The following PCDHGC4 variants were observed in gnomAD, a reference collection of about 807,000 sequenced individuals.
PCDHGC4 encodes the protein protocadherin gamma-C4.
Under a neutral mutation model 59.7 loss-of-function variants are expected in PCDHGC4, and 15 were observed. That is an observed-to-expected ratio of 0.25 (90% confidence interval 0.17 to 0.39). The LOEUF (loss-of-function observed/expected upper bound fraction) is 0.39. PCDHGC4 is among the 10% of genes least tolerant of loss of function. The probability of loss-of-function intolerance (pLI) is 1.00; values close to 1 mark genes in which losing one functional copy is unlikely to be tolerated. For synonymous variants in PCDHGC4, 434 were observed against 481.4 expected (o/e 0.90, Z 1.29); for missense variants, 1,016 against 1,189.5 (o/e 0.85, Z 2.15).
At position 141,497,121 on chromosome 5, in the gene PCDHGC4, G is replaced by T. The variant is rs185298630; in HGVS notation, c.2501+2256G>T. Among the ~76,000 whole-genome samples, 563 of 152,212 alleles carry T rather than the reference G, an allele frequency of 3.7e-3. 5 individuals are homozygous for T. The highest frequency in any genetic ancestry group is 0.011 in the Admixed American group (164 of 15,296). On this transcript the variant is annotated intron_variant, in intron 2 of 3. Coordinates refer to ENST00000306593, the MANE Select transcript of PCDHGC4 (RefSeq NM_018928.3). Reference sequence around the variant, plus strand: ...GAACTGCTTGAACCCGGAAGGCAGAGGTTGCAGTGAGCTGAGATCACGAAA... The same window carrying T: ...GAACTGCTTGAACCCGGAAGGCAGATGTTGCAGTGAGCTGAGATCACGAAA...
At chr5:141,498,352 C>T (rs1439698389) in intron 2 of PCDHGC4, among the ~76,000 whole-genome samples, 1 of 151,772 alleles carries the variant, frequency 6.6e-6, no homozygotes, top group Non-Finnish European at 1.5e-5. Flanking sequence ...AAAGCCTATG[C>T]AAAAGCCTTG....
chr5:141,505,705 GAA>G (rs1250788277), intron 3 of PCDHGC4, among the ~76,000 whole-genome samples: 1 of 152,198 alleles, frequency 6.6e-6, no homozygotes, highest in Non-Finnish European at 1.5e-5. Flanking sequence ...AGCGAACAAG[GAA>G]AAGACTCATG....
intron 2 of PCDHGC4, among the ~76,000 whole-genome samples, chr5:141,501,365 A>G (rs1360125423): frequency 1.3e-5 from 2 of 151,500 alleles, no homozygotes; most frequent in Admixed American, 6.6e-5. Flanking sequence ...AACCATATTC[A>G]TCATCTCTTA....
At chr5:141,507,442 C>T (rs748782097) in intron 3 of PCDHGC4, among the ~76,000 whole-genome samples, 1 of 152,162 alleles carries the variant, frequency 6.6e-6, no homozygotes, top group African/African-American at 2.4e-5. Flanking sequence ...CTACAGCTGA[C>T]GGAAGGACAG....
Position 141,489,068 on chromosome 5 carries a change from G to GGCC in PCDHGC4, c.2442+1453_2442+1454insGCC. The GGCC allele has an allele frequency of 3.4e-6, 1 of 291,556 alleles. No individual in the cohort carries two copies. The allele number at this position is 291,556 out of a possible 1,614,324, so 18.1% of individuals were successfully genotyped here. A position where few individuals can be genotyped will look rare whatever the true frequency, so the allele number is the denominator to read the frequency against. ...CTCAAATTCAGCTCCCCTCCCCCCT[G>GGCC]CCCACCCCCGCCACTCGGTGACTAA... On this transcript the variant is annotated intron_variant, in intron 1 of 3. Coordinates refer to ENST00000306593, the MANE Select transcript of PCDHGC4 (RefSeq NM_018928.3). The surrounding 1 kb of genome is among the most constrained non-coding windows in gnomAD (Gnocchi z 4.5).
In PCDHGC4 at chr5:141,489,801, T is replaced by C. The variant is rs201458939; in HGVS notation, c.2442+2186T>C. 6.2e-7 allele frequency: 1 copy of C among 1,614,148 alleles called. No homozygotes were observed. On this transcript the variant is annotated intron_variant, in intron 1 of 3. Coordinates refer to ENST00000306593, the MANE Select transcript of PCDHGC4 (RefSeq NM_018928.3). The surrounding 1 kb of genome is among the most constrained non-coding windows in gnomAD (Gnocchi z 4.5). The stretch of plus-strand genomic sequence containing the variant: ...CTCTGAATGTGAAGACCCTAAAAGA[T>C]GGGAAGCCATTCCCAGAGCTGGTGC...
chr5:141,487,884 A>G lies in PCDHGC4; in HGVS notation c.2442+269A>G. 1.3e-6 allele frequency: 1 copy of G among 766,716 alleles called. No homozygotes were observed. Among genetic ancestry groups the G allele is most frequent in the Non-Finnish European group, 2.1e-6 (1 of 481,170 alleles). 47.5% of individuals were successfully genotyped at this position (766,716 alleles called of 1,614,324 possible). On this transcript the variant is annotated intron_variant, in intron 1 of 3. Transcript: ENST00000306593. The surrounding 1 kb of genome is among the most constrained non-coding windows in gnomAD (Gnocchi z 5.0). ...GTGATCAAGAGCCAGGCTGTTGTGG[A>G]AGCATGATGATGGAATGTGGGAGCA...
intron 2 of PCDHGC4, among the ~76,000 whole-genome samples, chr5:141,503,458 G>A (rs948221006): frequency 2.0e-5 from 3 of 152,018 alleles, no homozygotes; most frequent in Non-Finnish European, 4.4e-5. Flanking sequence ...CGCTGGGCAT[G>A]GTGGCATGTG....
Position 141,491,665 on chromosome 5 carries a change from C to T in PCDHGC4, c.2443-3142C>T, listed in dbSNP as rs749918160. 6.2e-7 allele frequency: 1 copy of T among 1,613,764 alleles called. No homozygotes were observed. The highest frequency in any genetic ancestry group is 8.5e-7 in the Non-Finnish European group (1 of 1,180,000). On this transcript the variant is annotated intron_variant, in intron 1 of 3. Transcript: ENST00000306593. The surrounding 1 kb of genome is among the most constrained non-coding windows in gnomAD (Gnocchi z 6.9). ...TCTGGCGCTGGAGCCTGACGCCATCCGGTCCCGCTCTAATACGCTGCGGGA... is the reference window on the plus strand; with the variant it reads ...TCTGGCGCTGGAGCCTGACGCCATCTGGTCCCGCTCTAATACGCTGCGGGA...
At chr5:141,494,268 C>G (rs576129333) in intron 1 of PCDHGC4, among the ~76,000 whole-genome samples, 31 of 152,288 alleles carry the variant, frequency 2.0e-4, no homozygotes, top group African/African-American at 7.2e-4. Flanking sequence ...TTCTTGCAAG[C>G]CAAGGGCCCA....
At chr5:141,500,446 T>C (rs2099800320) in intron 2 of PCDHGC4, among the ~76,000 whole-genome samples, 1 of 152,002 alleles carries the variant, frequency 6.6e-6, no homozygotes, top group South Asian at 2.1e-4. Context: ...CCTGACCTCG[T>C]GATCCGCCCG....
At chr5:141,501,326 CACACACA>C (rs1562200783) in intron 2 of PCDHGC4, among the ~76,000 whole-genome samples, 10 of 151,784 alleles carry the variant, frequency 6.6e-5, no homozygotes, top group African/African-American at 1.9e-4. Flanking sequence ...CACACACACA[CACACACA>C]CCCCAAACTC....
intron 2 of PCDHGC4, 147 bp from the exon 3 acceptor site, chr5:141,505,246 G>A (rs2099844792): frequency 2.1e-6 from 3 of 1,436,556 alleles, no homozygotes; most frequent in African/African-American, 1.4e-5. Flanking sequence ...AAGGATTGTA[G>A]AAGTGCCTCC....
At chr5:141,505,592 A>G in intron 3 of PCDHGC4, 111 bp downstream of exon 3, 1 of 1,567,266 alleles carries the variant, frequency 6.4e-7, no homozygotes. Context: ...GTTTCTCCAG[A>G]TCTTTCGGCA....
At position 141,485,811 on chromosome 5, in the gene PCDHGC4, C is replaced by T; in HGVS notation, c.638C>T (p.Thr213Ile). 6.2e-7 allele frequency: 1 copy of T among 1,614,220 alleles called. No homozygotes were observed. The highest frequency in any genetic ancestry group is 8.5e-7 in the Non-Finnish European group (1 of 1,180,028). The part of the protein sequence containing the change: ...EKQSDYRLVL[T>I]AVDGGNPPRS... ...CAATCGGACTACCGCCTGGTGCTGA[C>T]TGCTGTCGATGGAGGGAACCCGCCG... The change falls in exon 1 of 4, where the codon ACT becomes ATT. Residue 213 changes from threonine (T) to isoleucine (I), a missense_variant. Physicochemically the swap from Thr to Ile is moderately conservative, Grantham distance 89. Transcript: ENST00000306593. This position sits in a 1 kb window ranked among gnomAD's most constrained non-coding sequence, Gnocchi z 5.7.
chr5:141,496,554 G>T (rs2099769470), intron 2 of PCDHGC4, among the ~76,000 whole-genome samples: 1 of 152,160 alleles, frequency 6.6e-6, no homozygotes, highest in Non-Finnish European at 1.5e-5. Context: ...TTCTGGGCAT[G>T]CACAGTCCTG....
chr5:141,500,269 C>T (rs977958449), intron 2 of PCDHGC4, among the ~76,000 whole-genome samples: 1 of 151,504 alleles, frequency 6.6e-6, no homozygotes, highest in African/African-American at 2.4e-5. Context: ...ACTGCAGTGG[C>T]GCAATCTCGG....
Position 141,491,401 on chromosome 5 carries a change from G to A in PCDHGC4, c.2443-3406G>A. The A allele has an allele frequency of 6.2e-7, 1 of 1,614,100 alleles. No homozygotes were observed. ...GTCAGCGAAGTGCCTTCAGGGAAAC[G>A]CAGACGGGGACGGGGGTGGAGGGCA... On this transcript the variant is annotated intron_variant, in intron 1 of 3. Transcript: ENST00000306593. This position sits in a 1 kb window ranked among gnomAD's most constrained non-coding sequence, Gnocchi z 6.9.
chr5:141,500,062 TAA>T (rs1314388217), intron 2 of PCDHGC4, among the ~76,000 whole-genome samples: 1 of 152,144 alleles, frequency 6.6e-6, no homozygotes, highest in East Asian at 1.9e-4. Flanking sequence ...TCTTTTAATG[TAA>T]AAGACTTCCC....
Sources: gnomAD v4.1 joint callset for allele counts (sites outside exome capture counted in the v4.1 genomes callset) on GRCh38, gnomAD v4.1.1 for gene constraint, Gnocchi (gnomAD v3.1) non-coding constraint, MANE v1.5 for transcripts, NCBI Gene and HGNC (gene_info 2026-07-23, HGNC 2026-07-21) for gene names.